The following ADGRL2 variants were observed in gnomAD, a reference collection of about 807,000 sequenced individuals.
ADGRL2 encodes the protein adhesion G protein-coupled receptor L2.
ADGRL2 carries 44 observed loss-of-function variants against 157.4 expected under a neutral mutation model. That is an observed-to-expected ratio of 0.28 (90% CI 0.22 to 0.36). ADGRL2 has a LOEUF of 0.36. Among genes scored for constraint, ADGRL2 ranks in the 10% least tolerant of loss-of-function variants. The pLI, the probability that ADGRL2 is intolerant of heterozygous loss-of-function variation, is 1.00. For synonymous variants in ADGRL2, 585 were observed against 624.7 expected, an observed-to-expected ratio of 0.94 and a Z score of 0.95; for missense variants, 1,510 against 1,768.9, an observed-to-expected ratio of 0.85 and a Z score of 2.63.
chr1:81,521,952 A>G (rs1019322496), intron 2 of ADGRL2, among the ~76,000 whole-genome samples: 1 of 150,544 alleles, frequency 6.6e-6, no homozygotes, highest in African/African-American at 2.5e-5. Context: ...TACTTGTATA[A>G]TAAATGTACT....
intron 2 of ADGRL2, among the ~76,000 whole-genome samples, chr1:81,492,026 G>A (rs984365598): frequency 1.1e-4 from 17 of 151,950 alleles, no homozygotes; most frequent in Admixed American, 6.6e-5. Flanking sequence ...TCTTCACCCT[G>A]GACTGCCTGT....
At chr1:81,640,672 T>TAAA (rs1553133899) in intron 3 of ADGRL2, among the ~76,000 whole-genome samples, 6 of 151,086 alleles carry the variant, frequency 4.0e-5, no homozygotes, top group African/African-American at 2.4e-5. Context: ...AATAAATAAA[T>TAAA]TACAGAAGCC....
intron 2 of ADGRL2, among the ~76,000 whole-genome samples, chr1:81,541,043 G>A (rs985851459): frequency 6.6e-6 from 1 of 152,160 alleles, no homozygotes; most frequent in Admixed American, 6.6e-5. Context: ...AAGTGTAAAG[G>A]TGAATGATAT....
chr1:81,742,093 C>T (rs2085090883), intron 1 of ADGRL2, among the ~76,000 whole-genome samples: 1 of 151,812 alleles, frequency 6.6e-6, no homozygotes, highest in Non-Finnish European at 1.5e-5. Flanking sequence ...AATATCAGTC[C>T]AGGATTTGGA....
chr1:81,314,008 G>T (rs17106395), intron 1 of ADGRL2, among the ~76,000 whole-genome samples: 22,432 of 152,146 alleles, frequency 0.15, 2,074 homozygotes, highest in African/African-American at 0.26. Context: ...CACTGTTAGT[G>T]TAATTACGTC....
At chr1:81,829,528 T>C (rs1571500736) in intron 1 of ADGRL2, among the ~76,000 whole-genome samples, 1 of 152,318 alleles carries the variant, frequency 6.6e-6, no homozygotes, top group East Asian at 1.9e-4. Context: ...TCTGTAGTTT[T>C]CCCAGGAAGG....
At chr1:81,482,507 T>C (rs1256512434) in intron 2 of ADGRL2, among the ~76,000 whole-genome samples, 3 of 152,204 alleles carry the variant, frequency 2.0e-5, no homozygotes, top group African/African-American at 7.2e-5. Context: ...CCTGTGCAAA[T>C]CTGAGTTTAA....
At chr1:81,411,752 C>T (rs891025419) in intron 1 of ADGRL2, among the ~76,000 whole-genome samples, 2 of 151,598 alleles carry the variant, frequency 1.3e-5, no homozygotes, top group Non-Finnish European at 3.0e-5. Context: ...CAGTGGCGGG[C>T]GCCTGTAGTC....
intron 1 of ADGRL2, among the ~76,000 whole-genome samples, chr1:81,823,261 C>T (rs972021228): frequency 5.3e-5 from 8 of 151,816 alleles, no homozygotes; most frequent in African/African-American, 1.9e-4. Flanking sequence ...ATGTTAGTTT[C>T]CGTAATTCAG....
intron 6 of ADGRL2, among the ~76,000 whole-genome samples, chr1:81,947,481 A>G (rs1001408703): frequency 6.6e-6 from 1 of 152,208 alleles, no homozygotes; most frequent in Non-Finnish European, 1.5e-5. Flanking sequence ...CAAATTACTT[A>G]TCTTCATCGT....
At chr1:81,423,942 T>C (rs1019782539) in intron 1 of ADGRL2, among the ~76,000 whole-genome samples, 1 of 152,222 alleles carries the variant, frequency 6.6e-6, no homozygotes, top group African/African-American at 2.4e-5. Context: ...GAAAAAGTGT[T>C]CAATCTACCA....
intron 2 of ADGRL2, among the ~76,000 whole-genome samples, chr1:81,857,343 C>T (rs1235348774): frequency 6.6e-6 from 1 of 152,064 alleles, no homozygotes; most frequent in South Asian, 2.1e-4. Context: ...ATAATTTTAG[C>T]AACGCATATA....
intron 2 of ADGRL2, among the ~76,000 whole-genome samples, chr1:81,448,146 T>C (rs1471434926): frequency 4.5e-5 from 6 of 134,410 alleles, no homozygotes; most frequent in African/African-American, 1.7e-4. Flanking sequence ...TCTTTTTTTT[T>C]TTTTTTTTTT....
At chr1:81,605,721 G>C (rs188362996) in intron 3 of ADGRL2, among the ~76,000 whole-genome samples, 12 of 152,216 alleles carry the variant, frequency 7.9e-5, no homozygotes, top group Admixed American at 2.0e-4. Context: ...CACATCAAAG[G>C]CTGATTTACA....
chr1:81,521,064 G>A (rs1057503984), intron 2 of ADGRL2, among the ~76,000 whole-genome samples: 1 of 152,192 alleles, frequency 6.6e-6, no homozygotes, highest in Non-Finnish European at 1.5e-5. Context: ...AGAACTGCTA[G>A]CTGCAGGAAA....
chr1:81,838,616 G>C (rs1383612494), intron 2 of ADGRL2, among the ~76,000 whole-genome samples: 1 of 152,086 alleles, frequency 6.6e-6, no homozygotes, highest in East Asian at 1.9e-4. Context: ...AATTCCTGCT[G>C]TTAGGTTTGA....
chr1:81,872,213 T>C (rs896947227), intron 2 of ADGRL2, among the ~76,000 whole-genome samples: 7 of 152,208 alleles, frequency 4.6e-5, no homozygotes, highest in Non-Finnish European at 1.0e-4. Flanking sequence ...TTCTTGTTTT[T>C]GTCAGGTTTG....
At chr1:81,316,948 T>A (rs1420197846) in intron 1 of ADGRL2, among the ~76,000 whole-genome samples, 1 of 152,190 alleles carries the variant, frequency 6.6e-6, no homozygotes, top group Non-Finnish European at 1.5e-5. Flanking sequence ...CAAATGGAAT[T>A]TGACCTTTCT....
upstream of ADGRL2, among the ~76,000 whole-genome samples, chr1:81,797,383 C>G (rs1459168535): frequency 6.6e-6 from 1 of 152,062 alleles, no homozygotes; most frequent in Non-Finnish European, 1.5e-5. Flanking sequence ...ATAATAGATA[C>G]AACCGTCCCT....
Sources: gnomAD v4.1 joint callset for allele counts (sites outside exome capture counted in the v4.1 genomes callset) on GRCh38, gnomAD v4.1.1 for gene constraint, MANE v1.5 for transcripts, NCBI Gene and HGNC (gene_info 2026-07-23, HGNC 2026-07-21) for gene names.